Variants in CHAF1A observed in about 807,000 individuals in gnomAD.
The protein encoded by CHAF1A is chromatin assembly factor 1 subunit A, also known as CAF-1 subunit A.
In CHAF1A, 5 loss-of-function variants were observed where a neutral mutation model predicts 93.2. The ratio of observed to expected loss-of-function variants is 0.05; its 90% CI spans 0.03 to 0.11. The LOEUF is 0.11. Among genes scored for constraint, CHAF1A ranks in the 10% least tolerant of loss-of-function variants. CHAF1A has a pLI of 1.00. For synonymous variants in CHAF1A, 504 were observed against 510.3 expected, an observed-to-expected ratio of 0.99 and a Z score of 0.17; for missense variants, 1,102 against 1,259.9, an observed-to-expected ratio of 0.87 and a Z score of 1.90.
Position 4,432,201 on chromosome 19 carries a change from G to A in CHAF1A, c.2197G>A (p.Glu733Lys), listed in dbSNP as rs371300311. 56 of 1,603,068 alleles carry A rather than the reference G, an allele frequency of 3.5e-5. No homozygotes were observed. Among genetic ancestry groups the A allele is most frequent in the Admixed American group, 1.7e-4 (10 of 59,708 alleles). Residue 733 changes from glutamate (E) to lysine (K), a missense_variant, in exon 12 of 15, where the codon GAG becomes AAG. By Grantham distance (56) the Glu-to-Lys change is moderately conservative. This residue lies in a region of CHAF1A where 335 missense variants were observed against 361.9 expected (regional missense o/e 0.93). Transcript: ENST00000301280. ...GGCCTCCAAGCGGGAGAGGAGAGAC[G>A]AGCAGAGTGAGTGTGGGCGGGGCCA... ...PKASKRERRD[E>K]QILAQLLPLL...
At chr19:4,441,907 T>A (rs916444301) in intron 13 of CHAF1A, among the ~76,000 whole-genome samples, 2 of 151,984 alleles carry the variant, frequency 1.3e-5, no homozygotes, top group East Asian at 1.9e-4. Context: ...CAAAAAAAAA[T>A]AAAAATAAAT....
At chr19:4,411,644 C>CTTCTTTTTTTTTTTTTTTT (rs1973802048) in intron 3 of CHAF1A, among the ~76,000 whole-genome samples, 1 of 48,202 alleles carries the variant, frequency 2.1e-5, no homozygotes, top group Non-Finnish European at 4.1e-5. Flanking sequence ...TGGTGCAAAT[C>CTTCTTTTTTTTTTTTTTTT]TTTTTTTTTT....
At chr19:4,440,070 C>A (rs768795432) in intron 13 of CHAF1A, among the ~76,000 whole-genome samples, 1 of 152,190 alleles carries the variant, frequency 6.6e-6, no homozygotes, top group Non-Finnish European at 1.5e-5. Flanking sequence ...ACATGACAGC[C>A]CATGAAACCA....
intron 3 of CHAF1A, among the ~76,000 whole-genome samples, chr19:4,413,011 A>G (rs1973834500): frequency 6.6e-6 from 1 of 152,170 alleles, no homozygotes; most frequent in African/African-American, 2.4e-5. Context: ...CGAACCTTTA[A>G]GGAGTCCTGC....
At chr19:4,432,577 A>T (rs1354780314) in intron 12 of CHAF1A, among the ~76,000 whole-genome samples, 3 of 151,946 alleles carry the variant, frequency 2.0e-5, no homozygotes, top group African/African-American at 7.3e-5. Context: ...CCTGGGCAAC[A>T]TGGCAAAACC....
chr19:4,431,021 G>A (rs966769362), intron 11 of CHAF1A: 10 of 207,612 alleles, frequency 4.8e-5, no homozygotes, highest in South Asian at 1.4e-4. Flanking sequence ...GGCAACCACC[G>A]CCCGAAATAA....
chr19:4,443,477 C>G (rs1974437156), downstream of CHAF1A: 1 of 185,330 alleles, frequency 5.4e-6, no homozygotes, highest in Admixed American at 6.0e-5. Context: ...CATGTGGTGC[C>G]TGGTGTCTGG....
intron 7 of CHAF1A, among the ~76,000 whole-genome samples, chr19:4,426,390 G>C (rs953221983): frequency 6.6e-6 from 1 of 151,816 alleles, no homozygotes; most frequent in Non-Finnish European, 1.5e-5. Context: ...GGATGGTCTC[G>C]ATCTCCTGAC....
At chr19:4,419,029 A>ATTTTTTTTTTTTTT (rs11406470) in intron 4 of CHAF1A, among the ~76,000 whole-genome samples, 13 of 96,446 alleles carry the variant, frequency 1.3e-4, no homozygotes, top group Admixed American at 2.6e-4. Flanking sequence ...TAGCCAGCTA[A>ATTTTTTTTTTTTTT]TTTTTTTTTT....
At chr19:4,421,928 C>T (rs1285264501) in intron 4 of CHAF1A, among the ~76,000 whole-genome samples, 1 of 152,004 alleles carries the variant, frequency 6.6e-6, no homozygotes, top group Non-Finnish European at 1.5e-5. Flanking sequence ...CTGCACCCTA[C>T]GTCTCCTGGT....
At chr19:4,448,472 C>T, downstream of CHAF1A, 4 of 1,410,918 alleles carry the variant, frequency 2.8e-6, no homozygotes, top group Non-Finnish European at 3.9e-6. Flanking sequence ...GCACGGCCCT[C>T]CGCTGCCCAG....
chr19:4,411,601 C>T (rs1200824267), intron 3 of CHAF1A, among the ~76,000 whole-genome samples: 4 of 134,958 alleles, frequency 3.0e-5, no homozygotes, highest in South Asian at 4.7e-4. Flanking sequence ...GAAAAAATGG[C>T]TTCCTCTTTA....
Position 4,422,912 on chromosome 19 carries a change from C to G in CHAF1A, c.1247+117C>G. The G allele has an allele frequency of 2.0e-6, 2 of 980,788 alleles. No homozygotes were observed. The highest frequency in any genetic ancestry group is 3.3e-5 in the South Asian group (2 of 60,294). The allele number at this position is 980,788 out of a possible 1,614,324, so 60.8% of individuals were successfully genotyped here. On this transcript the variant is annotated intron_variant, in intron 5 of 14. Coordinates refer to ENST00000301280, the MANE Select transcript of CHAF1A (RefSeq NM_005483.3). This position sits in a 1 kb window ranked among gnomAD's most constrained non-coding sequence, Gnocchi z 4.6. ...AGATGGCGGCTCCCTTCAGTTCCTTCCCATTTCTCCTTCGTGAGGTGCCCG... is the reference window on the plus strand; with the variant it reads ...AGATGGCGGCTCCCTTCAGTTCCTTGCCATTTCTCCTTCGTGAGGTGCCCG...
chr19:4,422,667 G>A lies in CHAF1A; in HGVS notation c.1119G>A (p.Lys373=), dbSNP rs1418908759. 1.2e-6 allele frequency: 2 copies of A among 1,609,024 alleles called. No individual in the cohort carries two copies. The highest frequency in any genetic ancestry group is 1.7e-6 in the Non-Finnish European group (2 of 1,177,758). Residue 373 remains lysine (K), a synonymous_variant, in exon 5 of 15, where the codon AAG becomes AAA. Coordinates refer to ENST00000301280, the MANE Select transcript of CHAF1A (RefSeq NM_005483.3). The surrounding 1 kb of genome is among the most constrained non-coding windows in gnomAD (Gnocchi z 4.6). ...EAKRAKEEAK[K]KKEEEKELKE... is the part of the protein sequence containing the mutation. ...AGCGGGCCAAGGAGGAGGCCAAGAAGAAGAAGGAGGAAGAGAAGGAGCTTA... is the reference window on the plus strand; with the variant it reads ...AGCGGGCCAAGGAGGAGGCCAAGAAAAAGAAGGAGGAAGAGAAGGAGCTTA...
At chr19:4,447,307 G>A (rs147856824), downstream of CHAF1A, 996 of 580,014 alleles carry the variant, frequency 1.7e-3, 12 homozygotes, top group East Asian at 0.028. Flanking sequence ...CCCAGCTGAA[G>A]AGGAGGAAAA....
rs554653602 is a variant in CHAF1A at position 4,425,051 on chromosome 19, A to G, written c.1377+1177A>G. 2.0e-5 allele frequency among the ~76,000 whole-genome samples: 3 copies of G among 152,154 alleles called. No homozygotes were observed. In the South Asian group the frequency reaches 6.2e-4, roughly 32 times the overall value. ...CGGCCTCTCAAAGCACTTGGATTACAGGTGTGAGTCCCTGCACCTGGCCTG... is the reference window on the plus strand; with the variant it reads ...CGGCCTCTCAAAGCACTTGGATTACGGGTGTGAGTCCCTGCACCTGGCCTG... On this transcript the variant is annotated intron_variant, in intron 7 of 14. Transcript: ENST00000301280.
chr19:4,450,566 G>A, the CHAF1A span: 2 of 151,970 alleles, frequency 1.3e-5, no homozygotes, highest in African/African-American at 2.4e-5. Flanking sequence ...AGACCATCCT[G>A]GCTAACATGG....
chr19:4,432,999 G>T, intron 12 of CHAF1A, 71 bp from the exon 13 acceptor site: 1 of 1,264,526 alleles, frequency 7.9e-7, no homozygotes, highest in Non-Finnish European at 1.1e-6. Context: ...TTGTGTATGT[G>T]TTTTGTTTTT....
Position 4,430,592 on chromosome 19 carries a change from G to T in CHAF1A, c.1898G>T (p.Gly633Val). 3 of 1,613,790 alleles carry T rather than the reference G, an allele frequency of 1.9e-6. No homozygotes were observed. Among genetic ancestry groups the T allele is most frequent in the Non-Finnish European group, 2.5e-6 (3 of 1,179,864 alleles). Reference protein sequence around the residue: ...DMGEDEDEDDGFFVPHGYLSE... With the variant: ...DMGEDEDEDDVFFVPHGYLSE... Reference sequence around the variant, plus strand: ...GGAGAGGATGAAGATGAGGACGATGGTTTCTTTGTGCCCCATGGGTACCTG... The same window carrying T: ...GGAGAGGATGAAGATGAGGACGATGTTTTCTTTGTGCCCCATGGGTACCTG... Residue 633 changes from glycine to valine, a missense_variant, in exon 11 of 15, where the codon GGT (glycine) becomes GTT (valine). Transcript: ENST00000301280.
Sources: allele counts gnomAD v4.1 joint callset (sites outside exome capture counted in the v4.1 genomes callset), GRCh38; gene constraint gnomAD v4.1.1; regional missense constraint gnomAD v4.1.1; non-coding constraint Gnocchi (gnomAD v3.1); transcripts MANE v1.5; gene names NCBI Gene and HGNC (gene_info 2026-07-23, HGNC 2026-07-21).